The following HELZ variants were observed in gnomAD, a reference collection of about 807,000 sequenced individuals.
HELZ encodes the protein helicase with zinc finger.
A neutral mutation model predicts 218.2 loss-of-function variants in HELZ; 23 were observed. The ratio of observed to expected loss-of-function variants is 0.11; its 90% CI spans 0.08 to 0.15. The LOEUF is 0.15. Ranked by LOEUF, HELZ falls within the 10% of genes least tolerant of loss-of-function variation. The probability of loss-of-function intolerance (pLI) is 1.00; values close to 1 mark genes in which losing one functional copy is unlikely to be tolerated. For missense variants in HELZ, 1,813 were observed against 2,353.7 expected (o/e 0.77, Z 4.75); for synonymous variants, 814 against 829.4 (o/e 0.98, Z 0.32).
intron 28 of HELZ, among the ~76,000 whole-genome samples, chr17:67,111,131 T>C (rs2037269293): frequency 6.6e-6 from 1 of 152,210 alleles, no homozygotes; most frequent in East Asian, 1.9e-4. Flanking sequence ...CTTGTTTATA[T>C]ATTAGTTTTC....
intron 27 of HELZ, 52 bp from the exon 28 acceptor site, chr17:67,114,455 T>A: frequency 1.0e-6 from 1 of 1,003,074 alleles, no homozygotes; most frequent in Non-Finnish European, 1.6e-6. Flanking sequence ...GATATGACAC[T>A]TCCAATGCTT....
intron 3 of HELZ, among the ~76,000 whole-genome samples, chr17:67,220,580 T>G (rs988083128): frequency 3.9e-4 from 60 of 152,234 alleles, no homozygotes; most frequent in Admixed American, 3.6e-3. Flanking sequence ...CTTGCCAGGC[T>G]CAAGCAATCC....
chr17:67,114,457 C>A, intron 27 of HELZ, 54 bp from the exon 28 acceptor site: 1 of 997,414 alleles, frequency 1.0e-6, no homozygotes, highest in East Asian at 2.4e-5. Flanking sequence ...TATGACACTT[C>A]CAATGCTTAT....
chr17:67,204,728 T>C (rs1007097063), intron 5 of HELZ, among the ~76,000 whole-genome samples: 1 of 152,184 alleles, frequency 6.6e-6, no homozygotes, highest in Non-Finnish European at 1.5e-5. Context: ...GACGAATCTA[T>C]TGTTTCAATC....
Position 67,167,375 on chromosome 17 carries a change from G to A in HELZ, c.1764+88C>T, listed in dbSNP as rs139849821. ...CAAAGTCAGCTTTGCTTTTGTTTAC[G>A]GCAGAAGAAAAACTAAACCAGAGGA... is the stretch of plus-strand genomic sequence containing the variant. On this transcript the variant is annotated intron_variant, in intron 14 of 32. Transcript: ENST00000358691. The A allele has an allele frequency of 1.8e-4, 180 of 1,000,032 alleles. No homozygotes were observed. The East Asian group carries it at 3.8e-3, about 21-fold the overall frequency. The allele number at this position is 1,000,032 out of a possible 1,614,324, so 61.9% of individuals were successfully genotyped here. A position where few individuals can be genotyped will look rare whatever the true frequency, so the allele number is the denominator to read the frequency against.
At chr17:67,242,618 A>G (rs2041356399) in intron 2 of HELZ, among the ~76,000 whole-genome samples, 1 of 151,418 alleles carries the variant, frequency 6.6e-6, no homozygotes. Context: ...GGGAGGTCTA[A>G]GGCAGGAATA....
In HELZ at chr17:67,075,441, T is replaced by C. The variant is rs566534790; in HGVS notation, c.*2811A>G. ...TCTGGAAAAAAATTTTATATACATA[T>C]ACTATACATATATATGCATATATAA... On this transcript the variant is annotated 3_prime_UTR_variant, in exon 33 of 33. Coordinates refer to ENST00000358691, the MANE Select transcript of HELZ (RefSeq NM_014877.4). 270 of 152,264 alleles carry C rather than the reference T, an allele frequency of 1.8e-3. No homozygotes were observed. The highest frequency in any genetic ancestry group is 5.9e-3 in the African/African-American group (246 of 41,572). The allele number at this position is 152,264 out of a possible 1,614,324, so 9.4% of individuals were successfully genotyped here. A position where few individuals can be genotyped will look rare whatever the true frequency, so the allele number is the denominator to read the frequency against.
intron 12 of HELZ, among the ~76,000 whole-genome samples, chr17:67,180,496 T>C (rs1261299643): frequency 6.6e-6 from 1 of 151,944 alleles, no homozygotes; most frequent in African/African-American, 2.4e-5. Context: ...ATAATCCTGG[T>C]ACTTTAGGAA....
intron 3 of HELZ, among the ~76,000 whole-genome samples, chr17:67,223,023 G>A (rs531493325): frequency 6.7e-6 from 1 of 148,566 alleles, no homozygotes; most frequent in East Asian, 2.0e-4. Context: ...CGAGGCGAGT[G>A]GATCATGAGG....
chr17:67,116,374 C>T (rs1170593199), intron 27 of HELZ, among the ~76,000 whole-genome samples: 1 of 152,038 alleles, frequency 6.6e-6, no homozygotes, highest in African/African-American at 2.4e-5. Flanking sequence ...AATTAAAAGG[C>T]AGAGACTGTC....
chr17:67,149,171 C>T (rs1052731515), intron 19 of HELZ, among the ~76,000 whole-genome samples: 4 of 152,110 alleles, frequency 2.6e-5, no homozygotes, highest in Non-Finnish European at 2.9e-5. Context: ...TATAAGGAGC[C>T]ATTCATGGTT....
At chr17:67,088,843 C>G (rs1340561307) in intron 31 of HELZ, among the ~76,000 whole-genome samples, 1 of 152,192 alleles carries the variant, frequency 6.6e-6, no homozygotes, top group Non-Finnish European at 1.5e-5. Context: ...TTAGTGTCAA[C>G]TAGGAATGTA....
At chr17:67,137,848 G>C in intron 22 of HELZ, 83 bp downstream of exon 22, 1 of 1,014,194 alleles carries the variant, frequency 9.9e-7, no homozygotes, top group Non-Finnish European at 1.4e-6. Flanking sequence ...TCAGAAAAGA[G>C]ATCTTGAGTA....
At chr17:67,090,580 A>C (rs2143617756) in intron 31 of HELZ, among the ~76,000 whole-genome samples, 1 of 152,288 alleles carries the variant, frequency 6.6e-6, no homozygotes, top group East Asian at 1.9e-4. Flanking sequence ...AACAGTTATA[A>C]GACTGTCCAT....
chr17:67,116,228 AC>A (rs920287358), intron 27 of HELZ, among the ~76,000 whole-genome samples: 4 of 152,038 alleles, frequency 2.6e-5, no homozygotes, highest in African/African-American at 9.7e-5. Flanking sequence ...AAAATACTCT[AC>A]CAATCCAGAA....
intron 32 of HELZ, among the ~76,000 whole-genome samples, chr17:67,082,784 T>G (rs915217352): frequency 1.3e-5 from 2 of 152,020 alleles, no homozygotes; most frequent in Non-Finnish European, 2.9e-5. Flanking sequence ...CTATTTTTAT[T>G]TACTTTATTA....
chr17:67,150,997 T>C, intron 18 of HELZ, 49 bp downstream of exon 18: 1 of 1,540,006 alleles, frequency 6.5e-7, no homozygotes, highest in Non-Finnish European at 8.9e-7. Flanking sequence ...CAGTCTAAAC[T>C]GAATTCATAA....
intron 31 of HELZ, among the ~76,000 whole-genome samples, chr17:67,093,579 TG>T (rs1281163254): frequency 2.6e-5 from 4 of 152,240 alleles, no homozygotes; most frequent in African/African-American, 9.6e-5. Context: ...CGCCTTGCCA[TG>T]GGAGCTCCTG....
At chr17:67,081,948 C>A (rs1034523247) in intron 32 of HELZ, among the ~76,000 whole-genome samples, 1 of 151,892 alleles carries the variant, frequency 6.6e-6, no homozygotes, top group African/African-American at 2.4e-5. Context: ...GACCAATTTA[C>A]AAGGAAAAGC....
Sources: allele counts gnomAD v4.1 joint callset (sites outside exome capture counted in the v4.1 genomes callset), GRCh38; gene constraint gnomAD v4.1.1; transcripts MANE v1.5; gene names NCBI Gene and HGNC (gene_info 2026-07-23, HGNC 2026-07-21).